Variants in PTPN13 observed in about 807,000 individuals in gnomAD.
PTPN13 encodes the protein tyrosine-protein phosphatase non-receptor type 13.
In PTPN13, 191 loss-of-function variants were observed where a neutral mutation model predicts 284.0. The ratio of observed to expected loss-of-function variants is 0.67; its 90% confidence interval spans 0.60 to 0.76. The LOEUF (loss-of-function observed/expected upper bound fraction) is 0.76, where lower values mean the gene tolerates loss of function less well. PTPN13 is among the 30% of genes least tolerant of loss of function. The pLI, the probability that PTPN13 is intolerant of heterozygous loss-of-function variation, is 0.00. For synonymous variants in PTPN13, 986 were observed against 1,022.3 expected, an observed-to-expected ratio of 0.96 and a Z score of 0.68; for missense variants, 2,797 against 2,939.9, an observed-to-expected ratio of 0.95 and a Z score of 1.12.
intron 31 of PTPN13, among the ~76,000 whole-genome samples, chr4:86,772,051 T>C (rs1265298092): frequency 1.3e-5 from 2 of 152,242 alleles, no homozygotes; most frequent in African/African-American, 2.4e-5. Context: ...CACATCCAAC[T>C]TTATTTATTC....
chr4:86,789,574 A>C (rs10516784), intron 40 of PTPN13, among the ~76,000 whole-genome samples: 15,142 of 152,234 alleles, frequency 0.099, 874 homozygotes, highest in Non-Finnish European at 0.11. Flanking sequence ...GTCCTAGATC[A>C]AGGAGATGTC....
intron 1 of PTPN13, chr4:86,595,855 A>T: frequency 3.2e-6 from 2 of 630,638 alleles, no homozygotes; most frequent in Non-Finnish European, 3.9e-6. Flanking sequence ...TGGGGGGGGG[A>T]GTAAAAGTGC....
In PTPN13 at chr4:86,607,880, G is replaced by GAGTAA. The variant is rs1256306450; in HGVS notation, c.-6+13099_-6+13103dup. On this transcript the variant is annotated intron_variant, in intron 1 of 47. Transcript: ENST00000411767. Reference sequence around the variant, plus strand: ...AGCGCCGAGTTCCTATAAAACTGTTGAGTAAAGTAAAGATAATGAAGTGCC... The same window carrying GAGTAA: ...AGCGCCGAGTTCCTATAAAACTGTTGAGTAAAGTAAAGTAAAGATAATGAAGTGCC... Among the ~76,000 whole-genome samples the GAGTAA allele has an allele frequency of 2.6e-5, 4 of 151,934 alleles. No homozygotes were observed. In the East Asian group the frequency reaches 7.7e-4, roughly 29 times the overall value.
intron 1 of PTPN13, among the ~76,000 whole-genome samples, chr4:86,612,213 G>GAT (rs1719973929): frequency 6.6e-6 from 1 of 152,054 alleles, no homozygotes; most frequent in South Asian, 2.1e-4. Context: ...TAAAATTTAT[G>GAT]ATATATAGCA....
chr4:86,670,982 T>C (rs1727662043), intron 2 of PTPN13, among the ~76,000 whole-genome samples: 1 of 152,200 alleles, frequency 6.6e-6, no homozygotes, highest in Non-Finnish European at 1.5e-5. Context: ...GTATGATTGG[T>C]TAAGGCTTTG....
At chr4:86,760,930 C>A (rs1738595637) in intron 23 of PTPN13, among the ~76,000 whole-genome samples, 1 of 151,636 alleles carries the variant, frequency 6.6e-6, no homozygotes, top group Non-Finnish European at 1.5e-5. Context: ...TTGTTAAGCA[C>A]CAAAGAGGAA....
At chr4:86,596,793 T>A (rs146338023) in intron 1 of PTPN13, among the ~76,000 whole-genome samples, 2 of 152,200 alleles carry the variant, frequency 1.3e-5, no homozygotes, top group Non-Finnish European at 2.9e-5. Flanking sequence ...GATAAACTAT[T>A]ACTTCTTTTT....
At chr4:86,793,624 T>A (rs1309518937) in intron 40 of PTPN13, among the ~76,000 whole-genome samples, 1 of 152,130 alleles carries the variant, frequency 6.6e-6, no homozygotes, top group African/African-American at 2.4e-5. Flanking sequence ...ACTCAGCAAA[T>A]GTAAAAGAAC....
At chr4:86,646,835 G>A (rs752723460) in intron 2 of PTPN13, among the ~76,000 whole-genome samples, 6 of 152,122 alleles carry the variant, frequency 3.9e-5, no homozygotes, top group African/African-American at 9.7e-5. Flanking sequence ...CAAGTGAATA[G>A]ATAAACAAAT....
chr4:86,692,046 A>G (rs1730084405), intron 5 of PTPN13, among the ~76,000 whole-genome samples: 1 of 152,210 alleles, frequency 6.6e-6, no homozygotes, highest in African/African-American at 2.4e-5. Flanking sequence ...TTCCACATTA[A>G]TGAGCTGCTT....
intron 3 of PTPN13, among the ~76,000 whole-genome samples, chr4:86,685,136 G>T (rs879302847): frequency 1.3e-5 from 2 of 152,108 alleles, no homozygotes; most frequent in Non-Finnish European, 2.9e-5. Context: ...AGTTTTCCCT[G>T]TTGAATCATT....
intron 7 of PTPN13, among the ~76,000 whole-genome samples, chr4:86,705,558 T>C (rs1219604630): frequency 6.6e-6 from 1 of 152,166 alleles, no homozygotes; most frequent in Admixed American, 6.5e-5. Context: ...TCTTAAACTA[T>C]TTGTGTTTTA....
rs542129918 is a variant in PTPN13, at chr4:86,757,762, C to CAAAAAAAAAAAAAAAAAAAAA, written c.3224-482_3224-481insAAAAAAAAAAAAAAAAAAAAA. Reference sequence around the variant, plus strand: ...TGAGTAGCAAAGCAAGACTCTGTCTCAAAAAAAAAAAAAAAATCCAGTTTC... The same window carrying CAAAAAAAAAAAAAAAAAAAAA: ...TGAGTAGCAAAGCAAGACTCTGTCTCAAAAAAAAAAAAAAAAAAAAAAAAAAAAAAAAAAAAATCCAGTTTC... On this transcript the variant is annotated intron_variant, in intron 20 of 47. Coordinates refer to ENST00000411767, the MANE Select transcript of PTPN13 (RefSeq NM_080683.3). Among the ~76,000 whole-genome samples, 105 of 112,408 alleles carry CAAAAAAAAAAAAAAAAAAAAA rather than the reference C, an allele frequency of 9.3e-4. 2 individuals carry two copies. Among genetic ancestry groups the CAAAAAAAAAAAAAAAAAAAAA allele is most frequent in the African/African-American group, 3.6e-3 (101 of 28,368 alleles). 73.7% of individuals were successfully genotyped at this position (112,408 alleles called of 152,430 possible). A position where few individuals can be genotyped will look rare whatever the true frequency, so the allele number is the denominator to read the frequency against.
intron 2 of PTPN13, among the ~76,000 whole-genome samples, chr4:86,638,508 C>T (rs909284088): frequency 6.6e-6 from 1 of 152,008 alleles, no homozygotes; most frequent in African/African-American, 2.4e-5. Flanking sequence ...TGAACAGAGC[C>T]CTCAGAAATA....
chr4:86,595,661 G>A (rs955058430), intron 1 of PTPN13: 9 of 680,248 alleles, frequency 1.3e-5, no homozygotes, highest in Non-Finnish European at 1.5e-5. Context: ...AACAACAAAC[G>A]CGGTGACTTC....
At chr4:86,693,550 C>A in intron 5 of PTPN13, 37 bp from the exon 6 acceptor site, 1 of 1,377,050 alleles carries the variant, frequency 7.3e-7, no homozygotes, top group South Asian at 1.5e-5. Context: ...AAGGGAGATC[C>A]TTTTGTCAAA....
intron 44 of PTPN13, among the ~76,000 whole-genome samples, chr4:86,806,167 T>C (rs200731650): frequency 7.0e-6 from 1 of 142,816 alleles, no homozygotes; most frequent in African/African-American, 2.6e-5. Context: ...AAAAAAAAAA[T>C]AGGAAAAAAA....
chr4:86,637,232 C>A (rs1330108671), intron 2 of PTPN13, among the ~76,000 whole-genome samples: 2 of 151,756 alleles, frequency 1.3e-5, no homozygotes, highest in Non-Finnish European at 3.0e-5. Flanking sequence ...GGATTCACAG[C>A]CGAATTCTAC....
chr4:86,706,359 C>G (rs1236809103), intron 7 of PTPN13, among the ~76,000 whole-genome samples: 2 of 152,142 alleles, frequency 1.3e-5, no homozygotes, highest in African/African-American at 4.8e-5. Flanking sequence ...ATTGGACATT[C>G]AACTAACTGC....
Sources: allele counts gnomAD v4.1 joint callset (sites outside exome capture counted in the v4.1 genomes callset), GRCh38; gene constraint gnomAD v4.1.1; transcripts MANE v1.5; gene names NCBI Gene and HGNC (gene_info 2026-07-23, HGNC 2026-07-21).